The following OPCML variants were observed in gnomAD, a reference collection of about 807,000 sequenced individuals.
OPCML encodes the protein opioid binding protein/cell adhesion molecule like.
OPCML carries 13 observed loss-of-function variants against 37.8 expected under a neutral mutation model. That is an observed-to-expected ratio of 0.34 (90% CI 0.22 to 0.55). The LOEUF (loss-of-function observed/expected upper bound fraction) is 0.55. OPCML is among the 20% of genes least tolerant of loss of function. The pLI, the probability that OPCML is intolerant of heterozygous loss-of-function variation, is 0.91. For synonymous variants in OPCML, 176 were observed against 168.8 expected, an observed-to-expected ratio of 1.04 and a Z score of -0.33; for missense variants, 341 against 435.6, an observed-to-expected ratio of 0.78 and a Z score of 1.93.
chr11:133,194,205 C>CTTTTTTTTTTTTTTTTTTTTTTTTTTTTT, intron 1 of OPCML, among the ~76,000 whole-genome samples: 1 of 106,942 alleles, frequency 9.4e-6, no homozygotes, highest in Non-Finnish European at 1.8e-5. Flanking sequence ...CCTTCCCCCA[C>CTTTTTTTTTTTTTTTTTTTTTTTTTTTTT]TTTTTTTTTT....
intron 1 of OPCML, among the ~76,000 whole-genome samples, chr11:133,034,475 T>C (rs996091233): frequency 1.3e-5 from 2 of 152,192 alleles, no homozygotes; most frequent in African/African-American, 4.8e-5. Flanking sequence ...TGTAAAGGTT[T>C]ATTCATATGG....
At position 132,420,105 on chromosome 11, in the gene OPCML, A is replaced by G. The variant is rs2095952553; in HGVS notation, c.*88T>C. 4.9e-6 allele frequency: 5 copies of G among 1,024,884 alleles called. No individual in the cohort carries two copies. The highest frequency in any genetic ancestry group is 1.6e-5 in the African/African-American group (1 of 60,608). 63.5% of individuals were successfully genotyped at this position (1,024,884 alleles called of 1,614,324 possible). On this transcript the variant is annotated 3_prime_UTR_variant, in exon 8 of 8. Coordinates refer to ENST00000524381, the MANE Select transcript of OPCML (RefSeq NM_001012393.5). Reference sequence around the variant, plus strand: ...TAGAATAACAGAAAAAAACAAAAAGAAGCCCAAGCTGGTTTGCTCTCCGCA... The same window carrying G: ...TAGAATAACAGAAAAAAACAAAAAGGAGCCCAAGCTGGTTTGCTCTCCGCA...
At chr11:133,480,385 C>T (rs1037863633) in intron 1 of OPCML, among the ~76,000 whole-genome samples, 1 of 152,220 alleles carries the variant, frequency 6.6e-6, no homozygotes, top group African/African-American at 2.4e-5. Flanking sequence ...CCTTGCTCTG[C>T]ACCTCGGCAT....
chr11:133,237,069 G>A (rs1343842350), intron 1 of OPCML, among the ~76,000 whole-genome samples: 25 of 152,180 alleles, frequency 1.6e-4, no homozygotes, highest in Admixed American at 1.6e-3. Flanking sequence ...TTTCAAACAT[G>A]GGGAAGGAGT....
chr11:132,625,757 G>A (rs114547841), intron 3 of OPCML, among the ~76,000 whole-genome samples: 93 of 152,200 alleles, frequency 6.1e-4, no homozygotes, highest in African/African-American at 1.9e-3. Context: ...CTAGCATGGT[G>A]TCTGGCATCA....
At chr11:132,869,039 G>T (rs959704875) in intron 2 of OPCML, among the ~76,000 whole-genome samples, 1 of 152,158 alleles carries the variant, frequency 6.6e-6, no homozygotes, top group African/African-American at 2.4e-5. Context: ...GGCATTCTCC[G>T]AATGTGGGGT....
chr11:133,154,099 T>C (rs1950023565), intron 1 of OPCML, among the ~76,000 whole-genome samples: 1 of 151,998 alleles, frequency 6.6e-6, no homozygotes, highest in South Asian at 2.1e-4. Context: ...CAGAGATCTC[T>C]GACCAGAGGA....
intron 1 of OPCML, among the ~76,000 whole-genome samples, chr11:132,955,125 G>A (rs756393350): frequency 4.6e-5 from 7 of 152,110 alleles, no homozygotes; most frequent in Admixed American, 6.5e-5. Flanking sequence ...CCAGGGTGTC[G>A]AGCTTAGCTG....
intron 1 of OPCML, among the ~76,000 whole-genome samples, chr11:133,447,533 C>G (rs1333927160): frequency 1.3e-5 from 2 of 152,156 alleles, no homozygotes; most frequent in African/African-American, 4.8e-5. Flanking sequence ...CCCTTCTCCC[C>G]CAATGACTTC....
At chr11:133,091,771 T>A (rs1948910255) in intron 1 of OPCML, among the ~76,000 whole-genome samples, 1 of 152,190 alleles carries the variant, frequency 6.6e-6, no homozygotes, top group Non-Finnish European at 1.5e-5. Context: ...TCTCACAGGA[T>A]GACTTGTACC....
intron 7 of OPCML, chr11:132,435,275 T>G: frequency 7.8e-7 from 1 of 1,287,402 alleles, no homozygotes; most frequent in Non-Finnish European, 1.0e-6. Flanking sequence ...GGACAAAGTT[T>G]ACTTAATGTC....
chr11:133,522,712 C>T (rs1948418064), intron 1 of OPCML, among the ~76,000 whole-genome samples: 1 of 152,158 alleles, frequency 6.6e-6, no homozygotes, highest in Non-Finnish European at 1.5e-5. Context: ...GAGCTGTATT[C>T]AAGAGGGGGC....
chr11:132,562,885 C>A (rs913551065), intron 3 of OPCML, among the ~76,000 whole-genome samples: 1 of 152,192 alleles, frequency 6.6e-6, no homozygotes, highest in African/African-American at 2.4e-5. Context: ...GTGATGTACA[C>A]TGATGTATAC....
chr11:132,455,324 A>C (rs2096079031), intron 4 of OPCML, among the ~76,000 whole-genome samples: 1 of 152,180 alleles, frequency 6.6e-6, no homozygotes, highest in South Asian at 2.1e-4. Context: ...CAGTGACCTG[A>C]GATGGCTTAC....
chr11:132,997,938 T>C (rs1467818434), intron 1 of OPCML, among the ~76,000 whole-genome samples: 1 of 152,164 alleles, frequency 6.6e-6, no homozygotes, highest in Non-Finnish European at 1.5e-5. Context: ...GTTTTAGCCC[T>C]CACAGGAGGT....
intron 1 of OPCML, among the ~76,000 whole-genome samples, chr11:133,140,309 C>T (rs983926067): frequency 3.3e-4 from 49 of 149,840 alleles, no homozygotes; most frequent in African/African-American, 1.2e-3. Flanking sequence ...GTCAGGAGTT[C>T]AAGACCAGCC....
chr11:133,311,391 C>T (rs1412860221), intron 1 of OPCML, among the ~76,000 whole-genome samples: 1 of 152,130 alleles, frequency 6.6e-6, no homozygotes, highest in Non-Finnish European at 1.5e-5. Flanking sequence ...GTTGAAAGCA[C>T]TGAGAATTTG....
At chr11:133,513,836 GA>G (rs1248351530) in intron 1 of OPCML, among the ~76,000 whole-genome samples, 1 of 152,176 alleles carries the variant, frequency 6.6e-6, no homozygotes, top group Non-Finnish European at 1.5e-5. Context: ...AATGGTTCAT[GA>G]AAAGATCTTA....
intron 1 of OPCML, among the ~76,000 whole-genome samples, chr11:132,954,514 G>A (rs1274451930): frequency 1.3e-5 from 2 of 152,162 alleles, no homozygotes; most frequent in Non-Finnish European, 2.9e-5. Flanking sequence ...TGGCAGATGA[G>A]TGAACAGCGT....
Sources: allele counts gnomAD v4.1 joint callset (sites outside exome capture counted in the v4.1 genomes callset), GRCh38; gene constraint gnomAD v4.1.1; transcripts MANE v1.5; gene names NCBI Gene and HGNC (gene_info 2026-07-23, HGNC 2026-07-21).